Variants in AKR1D1 observed in about 807,000 individuals in gnomAD.
AKR1D1 encodes the protein delta(4)-3-ketosteroid 5-beta-reductase.
A neutral mutation model predicts 42.6 loss-of-function variants in AKR1D1; 32 were observed. That is an observed-to-expected ratio of 0.75 (90% confidence interval 0.57 to 1.01). AKR1D1 has a LOEUF of 1.01. AKR1D1 is among the 50% of genes least tolerant of loss of function. AKR1D1 has a pLI of 0.00. For missense variants in AKR1D1, 364 were observed against 402.2 expected (o/e 0.91, Z 0.81); for synonymous variants, 123 against 135.5 (o/e 0.91, Z 0.64).
At chr7:138,095,955 A>G (rs759169489) in intron 3 of AKR1D1, among the ~76,000 whole-genome samples, 70 of 149,148 alleles carry the variant, frequency 4.7e-4, no homozygotes, top group Non-Finnish European at 7.1e-4. Flanking sequence ...ATTCCCAGCA[A>G]TTTGGGAGGC....
At position 138,080,282 on chromosome 7, in the gene AKR1D1, A is replaced by G. The variant is rs1191175188; in HGVS notation, c.93+3671A>G. Among the ~76,000 whole-genome samples, 6 of 151,856 alleles carry G rather than the reference A, an allele frequency of 4.0e-5. No individual in the cohort carries two copies. The East Asian group carries it at 1.2e-3, about 30-fold the overall frequency. ...ACGAGGTATCTCTATGTTGCCCAGGATGGTCTGAAACTCCTGAACTCAAGC... is the reference window on the plus strand; with the variant it reads ...ACGAGGTATCTCTATGTTGCCCAGGGTGGTCTGAAACTCCTGAACTCAAGC... On this transcript the variant is annotated intron_variant, in intron 1 of 8. Transcript: ENST00000242375.
intron 8 of AKR1D1, among the ~76,000 whole-genome samples, chr7:138,115,458 A>C (rs916298419): frequency 2.6e-5 from 4 of 152,178 alleles, no homozygotes; most frequent in African/African-American, 9.7e-5. Flanking sequence ...AAACAAAAAC[A>C]GTATAATCAA....
intron 1 of AKR1D1, among the ~76,000 whole-genome samples, chr7:138,078,649 C>A (rs1360495403): frequency 6.6e-6 from 1 of 152,158 alleles, no homozygotes; most frequent in Non-Finnish European, 1.5e-5. Flanking sequence ...GTTATCTCTC[C>A]CCCATGTAAG....
intron 2 of AKR1D1, among the ~76,000 whole-genome samples, chr7:138,091,508 T>C (rs1407491791): frequency 3.9e-5 from 6 of 152,122 alleles, no homozygotes; most frequent in Non-Finnish European, 8.8e-5. Flanking sequence ...CATAAACATA[T>C]TTTTGTGAAA....
chr7:138,111,846 T>A (rs943021664), intron 7 of AKR1D1, among the ~76,000 whole-genome samples: 22 of 152,326 alleles, frequency 1.4e-4, no homozygotes, highest in African/African-American at 2.4e-4. Context: ...TGATTTTTTT[T>A]AAATATGCTT....
chr7:138,091,626 T>C (rs1367494827), intron 2 of AKR1D1, 142 bp from the exon 3 acceptor site: 1 of 674,198 alleles, frequency 1.5e-6, no homozygotes, highest in Non-Finnish European at 2.6e-6. Flanking sequence ...GCCCAGGAGT[T>C]AAAGACCAGC....
At position 138,116,805 on chromosome 7, in the gene AKR1D1, C is replaced by T. The variant is rs1004858298; in HGVS notation, c.*143C>T. 52 of 743,658 alleles carry T rather than the reference C, an allele frequency of 7.0e-5. No homozygotes were observed. The East Asian group carries it at 1.3e-3, about 18-fold the overall frequency. 46.1% of individuals were successfully genotyped at this position (743,658 alleles called of 1,614,324 possible). A position where few individuals can be genotyped will look rare whatever the true frequency, so the allele number is the denominator to read the frequency against. On this transcript the variant is annotated 3_prime_UTR_variant, in exon 9 of 9. Transcript: ENST00000242375. ...GATGGAAACATGTTTAATGTTTGTG[C>T]AGTGTAAATGACTTTGACTCAGTCA...
At chr7:138,100,238 A>G in intron 4 of AKR1D1, among the ~76,000 whole-genome samples, 1 of 152,054 alleles carries the variant, frequency 6.6e-6, no homozygotes, top group East Asian at 1.9e-4. Context: ...AAGGGGCAAT[A>G]AACAGATGAG....
At chr7:138,110,017 C>T (rs1794506595) in intron 7 of AKR1D1, among the ~76,000 whole-genome samples, 1 of 151,456 alleles carries the variant, frequency 6.6e-6, no homozygotes. Context: ...ACTCAGAGGT[C>T]ACATATTCCA....
intron 4 of AKR1D1, among the ~76,000 whole-genome samples, chr7:138,100,112 A>C (rs1164560442): frequency 2.9e-5 from 4 of 138,820 alleles, no homozygotes; most frequent in Non-Finnish European, 6.1e-5. Context: ...AAAAAAAAAA[A>C]AAAAAACATA....
chr7:138,083,761 T>C (rs4728430), intron 1 of AKR1D1, among the ~76,000 whole-genome samples: 95,576 of 151,860 alleles, frequency 0.63, 30,595 homozygotes, highest in African/African-American at 0.74. Context: ...TGACTTTTTG[T>C]GTATGGTGTA....
chr7:138,089,665 T>G (rs2117430116), intron 2 of AKR1D1, among the ~76,000 whole-genome samples: 1 of 152,284 alleles, frequency 6.6e-6, no homozygotes, highest in East Asian at 1.9e-4. Context: ...CAGTTGTGAA[T>G]AGAAAGCAAT....
At chr7:138,092,117 G>A (rs1794096465) in intron 3 of AKR1D1, among the ~76,000 whole-genome samples, 1 of 152,244 alleles carries the variant, frequency 6.6e-6, no homozygotes, top group Admixed American at 6.5e-5. Context: ...ACAGATCAGA[G>A]AGTACTGACC....
At position 138,113,741 on chromosome 7, in the gene AKR1D1, A is replaced by AAGC; in HGVS notation, c.908_909insGCA (p.Asn303delinsLysHis). On this transcript the variant is annotated protein_altering_variant, in exon 8 of 9. Coordinates refer to ENST00000242375, the MANE Select transcript of AKR1D1 (RefSeq NM_005989.4). ...AGAAATGAAGGACATTGAAGCCTTG[A>AAGC]ATAAAAATGTCCGCTTTGTAGAATT... The AAGC allele has an allele frequency of 6.2e-7, 1 of 1,614,180 alleles. No individual in the cohort carries two copies. Among genetic ancestry groups the AAGC allele is most frequent in the Non-Finnish European group, 8.5e-7 (1 of 1,180,012 alleles).
chr7:138,089,749 A>G (rs1450708769), intron 2 of AKR1D1, among the ~76,000 whole-genome samples: 1 of 152,220 alleles, frequency 6.6e-6, no homozygotes, highest in African/African-American at 2.4e-5. Flanking sequence ...GTGTTTACTT[A>G]CGTAAACAGA....
At chr7:138,096,530 G>C (rs552244051) in intron 3 of AKR1D1, among the ~76,000 whole-genome samples, 4 of 152,286 alleles carry the variant, frequency 2.6e-5, no homozygotes, top group Non-Finnish European at 5.9e-5. Flanking sequence ...TTGCACTGGG[G>C]ATTAAGTTTC....
chr7:138,113,323 A>T (rs1273065024), intron 7 of AKR1D1, among the ~76,000 whole-genome samples: 5 of 152,160 alleles, frequency 3.3e-5, no homozygotes, highest in Non-Finnish European at 7.4e-5. Flanking sequence ...CTCAAAAAAA[A>T]AAAAAAATCA....
At chr7:138,109,366 C>T (rs1794494243) in intron 7 of AKR1D1, among the ~76,000 whole-genome samples, 1 of 152,208 alleles carries the variant, frequency 6.6e-6, no homozygotes, top group Admixed American at 6.5e-5. Context: ...CTCTCTCCCT[C>T]CTTTCTCTCC....
intron 3 of AKR1D1, among the ~76,000 whole-genome samples, chr7:138,094,460 A>G (rs1315036789): frequency 2.6e-5 from 4 of 151,892 alleles, no homozygotes; most frequent in Non-Finnish European, 4.4e-5. Context: ...GGGTGCAGTG[A>G]GCCAAGATTG....
Sources: gnomAD v4.1 joint callset for allele counts (sites outside exome capture counted in the v4.1 genomes callset) on GRCh38, gnomAD v4.1.1 for gene constraint, MANE v1.5 for transcripts, NCBI Gene and HGNC (gene_info 2026-07-23, HGNC 2026-07-21) for gene names.